The following GAN variants were observed in gnomAD, a reference collection of about 807,000 sequenced individuals.
GAN encodes epididymis secretory sperm binding protein.
GAN carries 48 observed loss-of-function variants against 71.3 expected under a neutral mutation model. That is an observed-to-expected ratio of 0.67 (90% confidence interval 0.53 to 0.86). The LOEUF (loss-of-function observed/expected upper bound fraction) is 0.86. GAN is among the 40% of genes least tolerant of loss of function. The pLI is 0.00. For synonymous variants in GAN, 386 were observed against 276.8 expected (o/e 1.39, Z -3.92); for missense variants, 928 against 770.1 (o/e 1.21, Z -2.43).
intron 7 of GAN, 84 bp from the exon 8 acceptor site, chr16:81,364,886 TTAAG>T (rs1209382036): frequency 7.6e-7 from 1 of 1,315,518 alleles, no homozygotes; most frequent in African/African-American, 1.4e-5. Flanking sequence ...CTAAATCTCT[TTAAG>T]TATGGCCCAG....
intron 1 of GAN, among the ~76,000 whole-genome samples, chr16:81,316,085 C>T (rs539526909): frequency 6.6e-6 from 1 of 152,254 alleles, no homozygotes; most frequent in South Asian, 2.1e-4. Flanking sequence ...CTCAACTAAC[C>T]AGGTTAATTA....
At chr16:81,330,172 C>T (rs1909526582) in intron 1 of GAN, among the ~76,000 whole-genome samples, 1 of 152,242 alleles carries the variant, frequency 6.6e-6, no homozygotes, top group African/African-American at 2.4e-5. Flanking sequence ...CAGGACCTCT[C>T]ACTGGTCTGT....
rs375243564 is a variant in GAN at position 81,332,957 on chromosome 16, G to T, written c.167+17677G>T. On this transcript the variant is annotated intron_variant, in intron 1 of 10. Coordinates refer to ENST00000648994, the MANE Select transcript of GAN (RefSeq NM_022041.4). ...ATTTAAGAGGTATCCACTAGGTTTA[G>T]GGCCGAGTGCAATGGCTCATGCCTG... is the stretch of plus-strand genomic sequence containing the variant. 4.6e-5 allele frequency among the ~76,000 whole-genome samples: 7 copies of T among 152,022 alleles called. No homozygotes were observed. In the East Asian group the frequency reaches 7.7e-4, roughly 17 times the overall value.
intron 2 of GAN, among the ~76,000 whole-genome samples, chr16:81,353,354 G>C (rs775058059): frequency 1.7e-4 from 25 of 150,688 alleles, no homozygotes; most frequent in Non-Finnish European, 2.8e-4. Flanking sequence ...TGGCAGTTTT[G>C]TTTTATTGAA....
intron 4 of GAN, 33 bp from the exon 5 acceptor site, chr16:81,357,777 C>T: frequency 1.3e-6 from 2 of 1,597,898 alleles, no homozygotes; most frequent in Non-Finnish European, 1.7e-6. Flanking sequence ...GTATGAAGCA[C>T]ATTAACTACT....
At chr16:81,346,631 C>T (rs1338542468) in intron 1 of GAN, among the ~76,000 whole-genome samples, 3 of 152,238 alleles carry the variant, frequency 2.0e-5, no homozygotes, top group Non-Finnish European at 4.4e-5. Context: ...CAACTCCCTT[C>T]TGTGGAAAGA....
In GAN at chr16:81,345,823, G is replaced by A. The variant is rs75249455; in HGVS notation, c.168-5760G>A. ...CCCATCCTACCACTGTCTGCAAGAC[G>A]CATGCAAGTTTTCCACAGACAGGAG... On this transcript the variant is annotated intron_variant, in intron 1 of 10. Transcript: ENST00000648994. Among the ~76,000 whole-genome samples, 424 of 152,300 alleles carry A rather than the reference G, an allele frequency of 2.8e-3. 3 individuals are homozygous for A. Among genetic ancestry groups the A allele is most frequent in the African/African-American group, 9.5e-3 (395 of 41,566 alleles).
chr16:81,341,522 T>C (rs535298322), intron 1 of GAN, among the ~76,000 whole-genome samples: 3 of 152,286 alleles, frequency 2.0e-5, no homozygotes, highest in African/African-American at 7.2e-5. Flanking sequence ...ATTTCATATC[T>C]AGCCAAACTA....
rs58464258 is a variant in GAN at position 81,360,068 on chromosome 16, T to TGGATGGATGGATAGATAGATGGAC, written c.973+2137_973+2138insGGATGGATGGATAGATAGATGGAC. Among the ~76,000 whole-genome samples, 4 of 145,816 alleles carry TGGATGGATGGATAGATAGATGGAC rather than the reference T, an allele frequency of 2.7e-5. No individual in the cohort carries two copies. In the Admixed American group the frequency reaches 2.8e-4, roughly 10 times the overall value. On this transcript the variant is annotated intron_variant, in intron 5 of 10. Transcript: ENST00000648994. ...ATGGATGGATGGATGGATGGATGGA[T>TGGATGGATGGATAGATAGATGGAC]AGATGGATGGACAGACAGATAGGTA...
chr16:81,336,728 T>G (rs904477000), intron 1 of GAN, among the ~76,000 whole-genome samples: 3 of 151,904 alleles, frequency 2.0e-5, no homozygotes, highest in Admixed American at 2.0e-4. Flanking sequence ...TTCTCCCACC[T>G]CGGCCTCCAA....
chr16:81,341,700 C>A (rs563885497), intron 1 of GAN, among the ~76,000 whole-genome samples: 3 of 152,132 alleles, frequency 2.0e-5, no homozygotes, highest in African/African-American at 7.2e-5. Context: ...TAAAGACCAT[C>A]GATGCTGTGA....
intron 1 of GAN, among the ~76,000 whole-genome samples, chr16:81,342,674 A>G (rs1481199495): frequency 6.6e-6 from 1 of 152,254 alleles, no homozygotes; most frequent in Non-Finnish European, 1.5e-5. Context: ...CCACAAGAGA[A>G]AGCAGGACAG....
Position 81,378,240 on chromosome 16 carries a change from T to G in GAN, c.*644T>G, listed in dbSNP as rs1006920510. On this transcript the variant is annotated 3_prime_UTR_variant, in exon 11 of 11. Coordinates refer to ENST00000648994, the MANE Select transcript of GAN (RefSeq NM_022041.4). ...TAACTTTATCTTAGTAATGTAAAGATTCAGTAAATTGATGAGTCAGGTTGC... is the reference window on the plus strand; with the variant it reads ...TAACTTTATCTTAGTAATGTAAAGAGTCAGTAAATTGATGAGTCAGGTTGC... The G allele has an allele frequency of 6.4e-6, 1 of 155,802 alleles. No homozygotes were observed. Among genetic ancestry groups the G allele is most frequent in the Non-Finnish European group, 1.4e-5 (1 of 70,206 alleles). The allele number at this position is 155,802 out of a possible 1,614,324, so 9.7% of individuals were successfully genotyped here.
intron 1 of GAN, among the ~76,000 whole-genome samples, chr16:81,324,762 A>G (rs541858206): frequency 1.3e-5 from 2 of 152,304 alleles, no homozygotes; most frequent in African/African-American, 4.8e-5. Flanking sequence ...CTTACGGGCT[A>G]TGGATGGGCA....
intron 5 of GAN, among the ~76,000 whole-genome samples, chr16:81,362,022 A>T (rs1262360055): frequency 6.6e-6 from 1 of 152,194 alleles, no homozygotes; most frequent in Non-Finnish European, 1.5e-5. Flanking sequence ...TTTTTTGCAG[A>T]AGAATAACCT....
intron 5 of GAN, among the ~76,000 whole-genome samples, chr16:81,362,031 C>G (rs1346431254): frequency 6.6e-6 from 1 of 152,160 alleles, no homozygotes; most frequent in Non-Finnish European, 1.5e-5. Flanking sequence ...GAAGAATAAC[C>G]TAATACGCCA....
chr16:81,370,003 C>A (rs898599696), intron 9 of GAN, among the ~76,000 whole-genome samples: 8 of 152,320 alleles, frequency 5.3e-5, no homozygotes, highest in Middle Eastern at 6.8e-3. Flanking sequence ...CAGTTCCCAA[C>A]CTTAGTATGG....
At chr16:81,346,503 T>G (rs968912184) in intron 1 of GAN, among the ~76,000 whole-genome samples, 9 of 152,172 alleles carry the variant, frequency 5.9e-5, no homozygotes, top group African/African-American at 2.2e-4. Context: ...TAGATTCTCA[T>G]AGGAGCGCGA....
At chr16:81,317,192 C>T (rs899244405) in intron 1 of GAN, among the ~76,000 whole-genome samples, 2 of 152,186 alleles carry the variant, frequency 1.3e-5, no homozygotes, top group Non-Finnish European at 2.9e-5. Flanking sequence ...CTCTTTGCAC[C>T]CAGAAAGAAC....
Sources: gnomAD v4.1 joint callset for allele counts (sites outside exome capture counted in the v4.1 genomes callset) on GRCh38, gnomAD v4.1.1 for gene constraint, MANE v1.5 for transcripts, NCBI Gene and HGNC (gene_info 2026-07-23, HGNC 2026-07-21) for gene names.